Variants in PSME3IP1 observed in about 807,000 individuals in gnomAD.
PSME3IP1 encodes proteasome activator subunit 3 interacting protein 1, also known as PSME3-interacting protein.
Under a neutral mutation model 34.1 loss-of-function variants are expected in PSME3IP1, and 13 were observed. The ratio of observed to expected loss-of-function variants is 0.38; its 90% CI spans 0.25 to 0.61. The LOEUF is 0.61. Ranked by LOEUF, PSME3IP1 falls within the 20% of genes least tolerant of loss-of-function variation. The pLI, the probability that PSME3IP1 is intolerant of heterozygous loss-of-function variation, is 0.60. For synonymous variants in PSME3IP1, 93 were observed against 114.3 expected, an observed-to-expected ratio of 0.81 and a Z score of 1.19; for missense variants, 237 against 301.4, an observed-to-expected ratio of 0.79 and a Z score of 1.58.
chr16:57,179,255 G>A (rs566127690), intron 1 of PSME3IP1, among the ~76,000 whole-genome samples: 1 of 152,290 alleles, frequency 6.6e-6, no homozygotes, highest in Admixed American at 6.5e-5. Flanking sequence ...TCTTCAAATA[G>A]GGAATTCATG....
intron 1 of PSME3IP1, among the ~76,000 whole-genome samples, chr16:57,183,949 C>A (rs1391538367): frequency 6.6e-6 from 1 of 152,120 alleles, no homozygotes; most frequent in African/African-American, 2.4e-5. Flanking sequence ...GAAACAGACT[C>A]CCCCAAAGGG....
At position 57,153,770 on chromosome 16, in the gene PSME3IP1, C is replaced by T. The variant is rs1190467722; in HGVS notation, c.*520G>A. On this transcript the variant is annotated 3_prime_UTR_variant, in exon 7 of 7. Coordinates refer to ENST00000309137, the MANE Select transcript of PSME3IP1 (RefSeq NM_024946.4). Reference sequence around the variant, plus strand: ...TCATCTTTACTTAGTCACACAACATCAAGGACTGGTTAGTTCCAGGGAAGG... The same window carrying T: ...TCATCTTTACTTAGTCACACAACATTAAGGACTGGTTAGTTCCAGGGAAGG... The T allele has an allele frequency of 6.5e-6, 1 of 154,646 alleles. No homozygotes were observed. Among genetic ancestry groups the T allele is most frequent in the Non-Finnish European group, 1.4e-5 (1 of 69,712 alleles). 9.6% of individuals were successfully genotyped at this position (154,646 alleles called of 1,614,324 possible).
At chr16:57,175,070 A>T (rs1222173769) in intron 1 of PSME3IP1, among the ~76,000 whole-genome samples, 1 of 147,792 alleles carries the variant, frequency 6.8e-6, no homozygotes, top group African/African-American at 2.5e-5. Flanking sequence ...GCTGGAGTCC[A>T]GTGGTGCAAT....
chr16:57,170,027 T>C (rs1310535547), intron 4 of PSME3IP1, among the ~76,000 whole-genome samples: 1 of 151,398 alleles, frequency 6.6e-6, no homozygotes, highest in South Asian at 2.1e-4. Flanking sequence ...AGTTCTGATG[T>C]AAATCAATTC....
rs1311773406 is a variant in PSME3IP1, at chr16:57,182,574, A to C, written c.-16+3247T>G. ...CTTAAAAAAAAAAAAAAAAAAAAAAAAACTTTGCATTACAATAACCAGACA... is the reference window on the plus strand; with the variant it reads ...CTTAAAAAAAAAAAAAAAAAAAAAACAACTTTGCATTACAATAACCAGACA... On this transcript the variant is annotated intron_variant, in intron 1 of 6. Coordinates refer to ENST00000309137, the MANE Select transcript of PSME3IP1 (RefSeq NM_024946.4). Among the ~76,000 whole-genome samples the C allele has an allele frequency of 1.0e-4, 15 of 150,474 alleles. No individual in the cohort carries two copies. In the East Asian group the frequency reaches 1.2e-3, roughly 12 times the overall value.
intron 1 of PSME3IP1, chr16:57,174,421 C>T: frequency 2.0e-6 from 2 of 984,762 alleles, no homozygotes; most frequent in Non-Finnish European, 2.4e-6. Flanking sequence ...GGCAAGAGGA[C>T]CTGGGATAAT....
Position 57,185,948 on chromosome 16 carries a change from AT to A in PSME3IP1, c.-144del. The A allele has an allele frequency of 2.0e-6, 2 of 984,346 alleles. No homozygotes were observed. The highest frequency in any genetic ancestry group is 2.4e-6 in the Non-Finnish European group (2 of 829,290). 61.0% of individuals were successfully genotyped at this position (984,346 alleles called of 1,614,324 possible). ...AAGAAAGAAAGAAACAGAGGAAGGA[AT>A]GAATGAAAGAAAGAAAAAAAAAAAG... On this transcript the variant is annotated 5_prime_UTR_variant, in exon 1 of 7. Transcript: ENST00000309137.
At chr16:57,159,802 T>C (rs1401769888) in intron 6 of PSME3IP1, among the ~76,000 whole-genome samples, 2 of 152,192 alleles carry the variant, frequency 1.3e-5, no homozygotes, top group African/African-American at 2.4e-5. Flanking sequence ...GTATAGTTCC[T>C]ACCAGGAAAT....
At chr16:57,167,066 A>G (rs1250137225) in intron 5 of PSME3IP1, 27 bp downstream of exon 5, 3 of 1,611,638 alleles carry the variant, frequency 1.9e-6, no homozygotes. Context: ...TCAGAGAGAA[A>G]TCTGAGTTGT....
rs1354008835 is a variant in PSME3IP1, at chr16:57,154,451, A to G, written c.604T>C (p.Cys202Arg). ...CCGATACATACTGCAGCAGAGGGGC[A>G]GTGGATGGAGGGGCCACTCAGGGAG... ...NTSLSGPSIH[C>R]PSAAVCIGIL... The change falls in exon 7 of 7, where the codon TGC (cysteine) becomes CGC (arginine). Residue 202 changes from cysteine (C) to arginine (R), a missense_variant. Transcript: ENST00000309137. This position sits in a 1 kb window ranked among gnomAD's most constrained non-coding sequence, Gnocchi z 4.0. 6.2e-7 allele frequency: 1 copy of G among 1,613,844 alleles called. No individual in the cohort carries two copies. Among genetic ancestry groups the G allele is most frequent in the Non-Finnish European group, 8.5e-7 (1 of 1,179,926 alleles).
intron 1 of PSME3IP1, among the ~76,000 whole-genome samples, chr16:57,175,220 G>T (rs2073067279): frequency 6.6e-6 from 1 of 152,028 alleles, no homozygotes; most frequent in African/African-American, 2.4e-5. Flanking sequence ...TCACTATGTT[G>T]GCCAGGCTTG....
chr16:57,179,127 C>T (rs546741747), intron 1 of PSME3IP1, among the ~76,000 whole-genome samples: 3 of 152,274 alleles, frequency 2.0e-5, no homozygotes, highest in Admixed American at 6.5e-5. Flanking sequence ...TTACTGTGTT[C>T]CACTTTAGAA....
chr16:57,154,396 C>T lies in PSME3IP1; in HGVS notation c.659G>A (p.Gly220Glu). ...GILPGLGAYS[G>E]SSDSESSSDS... ...TGAGCTGGACTCGGAGTCGCTGCTC[C>T]CAGAGTAGGCACCCAGGCCTGGGAG... The change falls in exon 7 of 7, where the codon GGG becomes GAG. Residue 220 changes from glycine (G) to glutamate (E), a missense_variant. Gly to Glu is a moderately conservative substitution (Grantham distance 98, BLOSUM62 -2). Transcript: ENST00000309137. The surrounding 1 kb of genome is among the most constrained non-coding windows in gnomAD (Gnocchi z 4.0). 5.0e-6 allele frequency: 8 copies of T among 1,613,998 alleles called. No homozygotes were observed. Among genetic ancestry groups the T allele is most frequent in the Non-Finnish European group, 5.1e-6 (6 of 1,179,996 alleles).
At chr16:57,172,097 C>T (rs536567444) in intron 4 of PSME3IP1, among the ~76,000 whole-genome samples, 154 bp downstream of exon 4, 1 of 152,286 alleles carries the variant, frequency 6.6e-6, no homozygotes, top group East Asian at 1.9e-4. Context: ...CAAACCACTA[C>T]CAGCTTTTCA....
At chr16:57,174,332 C>G (rs905888863) in intron 1 of PSME3IP1, 4 of 532,794 alleles carry the variant, frequency 7.5e-6, no homozygotes, top group Non-Finnish European at 9.6e-6. Flanking sequence ...AATTTATAGG[C>G]CATTGATGAA....
intron 6 of PSME3IP1, among the ~76,000 whole-genome samples, chr16:57,158,440 T>A (rs1356736494): frequency 1.3e-5 from 2 of 149,430 alleles, no homozygotes; most frequent in Admixed American, 1.3e-4. Context: ...ATACAAAAAT[T>A]AGCCAGGCGT....
In PSME3IP1 at chr16:57,168,942, T is replaced by TA. The variant is rs571178733; in HGVS notation, c.349-1717dup. Reference sequence around the variant, plus strand: ...TCTCAAAACTCTCAATATTAAATATTAAAAAAAAACAAAAATGGAAAAAAA... The same window carrying TA: ...TCTCAAAACTCTCAATATTAAATATTAAAAAAAAAACAAAAATGGAAAAAAA... On this transcript the variant is annotated intron_variant, in intron 4 of 6. Transcript: ENST00000309137. 3.8e-4 allele frequency among the ~76,000 whole-genome samples: 56 copies of TA among 148,494 alleles called. 1 individual carries two copies. The highest frequency in any genetic ancestry group is 3.4e-3 in the Middle Eastern group (1 of 290).
chr16:57,182,981 A>G (rs879190053), intron 1 of PSME3IP1, among the ~76,000 whole-genome samples: 2 of 152,218 alleles, frequency 1.3e-5, no homozygotes, highest in Admixed American at 6.5e-5. Context: ...GCTATGTACT[A>G]AACAGGCAAC....
At chr16:57,170,034 A>G (rs1223368171) in intron 4 of PSME3IP1, among the ~76,000 whole-genome samples, 3 of 150,572 alleles carry the variant, frequency 2.0e-5, no homozygotes, top group South Asian at 2.1e-4. Context: ...ATGTAAATCA[A>G]TTCCCAGGGA....
Sources: allele counts gnomAD v4.1 joint callset (sites outside exome capture counted in the v4.1 genomes callset), GRCh38; gene constraint gnomAD v4.1.1; non-coding constraint Gnocchi (gnomAD v3.1); transcripts MANE v1.5; gene names NCBI Gene and HGNC (gene_info 2026-07-23, HGNC 2026-07-21).